The following PPP1CC variants were observed in gnomAD, a reference collection of about 807,000 sequenced individuals.
The protein encoded by PPP1CC is serine/threonine-protein phosphatase PP1-gamma catalytic subunit.
Under a neutral mutation model 38.4 loss-of-function variants are expected in PPP1CC, and 16 were observed. That is an observed-to-expected ratio of 0.42 (90% CI 0.28 to 0.63). The LOEUF (loss-of-function observed/expected upper bound fraction) is 0.63. PPP1CC is among the 30% of genes least tolerant of loss of function. The pLI is 0.25. For missense variants in PPP1CC, 170 were observed against 391.3 expected, an observed-to-expected ratio of 0.43 and a Z score of 4.77; for synonymous variants, 158 against 136.0, an observed-to-expected ratio of 1.16 and a Z score of -1.13.
At chr12:110,713,524 A>G in the PPP1CC span, among the ~76,000 whole-genome samples, 4 of 152,070 alleles carry the variant, frequency 2.6e-5, no homozygotes, top group African/African-American at 7.3e-5. Context: ...GGAAGGCTCT[A>G]CCTAATAAGT....
At position 110,720,053 on chromosome 12, in the gene PPP1CC, T is replaced by C. The variant is rs1266706282; in HGVS notation, c.*1023A>G. ...GAGTTCTGTATAAACTGGTGGACAG[T>C]AAGTTAGTTCCTTTGTTTTAACTTA... is the stretch of plus-strand genomic sequence containing the variant. On this transcript the variant is annotated 3_prime_UTR_variant, in exon 7 of 7. Coordinates refer to ENST00000335007, the MANE Select transcript of PPP1CC (RefSeq NM_002710.4). 1 of 1,262,414 alleles carries C rather than the reference T, an allele frequency of 7.9e-7. No individual in the cohort carries two copies. Among genetic ancestry groups the C allele is most frequent in the African/African-American group, 1.5e-5 (1 of 66,894 alleles). 78.2% of individuals were successfully genotyped at this position (1,262,414 alleles called of 1,614,324 possible).
At chr12:110,726,109 G>A (rs1401578901) in intron 3 of PPP1CC, 1 of 152,200 alleles carries the variant, frequency 6.6e-6, no homozygotes, top group East Asian at 1.9e-4. Context: ...TTTGTCCTTA[G>A]TCTCTTTTCC....
chr12:110,715,487 A>AT (rs2069680386), downstream of PPP1CC, among the ~76,000 whole-genome samples: 1 of 151,740 alleles, frequency 6.6e-6, no homozygotes, highest in Admixed American at 6.6e-5. Flanking sequence ...TGCCTGGCTA[A>AT]TTTTTTGTAT....
Position 110,722,532 on chromosome 12 carries a change from T to C in PPP1CC, c.687A>G (p.Ala229=). ...TATGGAGAAATTTTGCAACCACTTC[T>C]GCACCAAATGTGAAGGACACTCCTC... The part of the protein sequence containing the change: ...NDRGVSFTFG[A]EVVAKFLHKH... Residue 229 remains alanine (A), a synonymous_variant, in exon 5 of 7, where the codon GCA becomes GCG. Coordinates refer to ENST00000335007, the MANE Select transcript of PPP1CC (RefSeq NM_002710.4). The surrounding 1 kb of genome is among the most constrained non-coding windows in gnomAD (Gnocchi z 5.4). 3 of 1,614,246 alleles carry C rather than the reference T, an allele frequency of 1.9e-6. No individual in the cohort carries two copies. Among genetic ancestry groups the C allele is most frequent in the Non-Finnish European group, 2.5e-6 (3 of 1,180,048 alleles).
chr12:110,716,423 G>C (rs2069688374), downstream of PPP1CC, among the ~76,000 whole-genome samples: 1 of 151,756 alleles, frequency 6.6e-6, no homozygotes, highest in African/African-American at 2.4e-5. Flanking sequence ...CAGAGTCTTG[G>C]CTCACTGCAA....
the PPP1CC span, among the ~76,000 whole-genome samples, chr12:110,713,814 C>T: frequency 6.6e-6 from 1 of 152,160 alleles, no homozygotes; most frequent in Non-Finnish European, 1.5e-5. Flanking sequence ...ATCACTTTCT[C>T]AAAACTTTCA....
chr12:110,729,440 G>A (rs1443903214), intron 3 of PPP1CC, among the ~76,000 whole-genome samples: 1 of 152,126 alleles, frequency 6.6e-6, no homozygotes, highest in Non-Finnish European at 1.5e-5. Flanking sequence ...TGATCCACCC[G>A]CTGTGGCCTC....
chr12:110,710,553 C>T, the PPP1CC span, among the ~76,000 whole-genome samples: 1 of 151,212 alleles, frequency 6.6e-6, no homozygotes, highest in African/African-American at 2.4e-5. Flanking sequence ...CCCATCTCTA[C>T]TAAAAATACA....
At chr12:110,716,135 A>C (rs1044854193), downstream of PPP1CC, among the ~76,000 whole-genome samples, 9 of 152,322 alleles carry the variant, frequency 5.9e-5, no homozygotes, top group East Asian at 1.5e-3. Context: ...GGTTGATGCC[A>C]GTGCCTTTAC....
chr12:110,713,736 A>G, the PPP1CC span, among the ~76,000 whole-genome samples: 1 of 152,150 alleles, frequency 6.6e-6, no homozygotes, highest in African/African-American at 2.4e-5. Context: ...GATGGGTTCC[A>G]CCTGTCAAAA....
At chr12:110,737,895 G>C (rs2069966247) in intron 1 of PPP1CC, among the ~76,000 whole-genome samples, 2 of 152,130 alleles carry the variant, frequency 1.3e-5, no homozygotes, top group African/African-American at 2.4e-5. Flanking sequence ...CTCCAGCCTG[G>C]GGACAGAGTG....
intron 3 of PPP1CC, among the ~76,000 whole-genome samples, chr12:110,727,612 TAAAAAAA>T (rs60861001): frequency 7.5e-6 from 1 of 133,406 alleles, no homozygotes; most frequent in Non-Finnish European, 1.6e-5. Flanking sequence ...TTTACAAAGT[TAAAAAAA>T]AAAAAAAAAG....
chr12:110,712,088 C>T, the PPP1CC span, among the ~76,000 whole-genome samples: 1 of 151,922 alleles, frequency 6.6e-6, no homozygotes, highest in Non-Finnish European at 1.5e-5. Flanking sequence ...TGTTTAGATA[C>T]AGAAATACTT....
At chr12:110,711,422 G>A in the PPP1CC span, among the ~76,000 whole-genome samples, 1 of 151,924 alleles carries the variant, frequency 6.6e-6, no homozygotes, top group Non-Finnish European at 1.5e-5. Flanking sequence ...ACAGTATATT[G>A]CTTAGGGATA....
chr12:110,741,849 G>C (rs746676286), intron 1 of PPP1CC, among the ~76,000 whole-genome samples: 1 of 152,108 alleles, frequency 6.6e-6, no homozygotes, highest in East Asian at 1.9e-4. Flanking sequence ...AATGAAATCT[G>C]TCTTAAGTGC....
At chr12:110,734,730 G>A (rs1037602217) in intron 1 of PPP1CC, 1 of 153,608 alleles carries the variant, frequency 6.5e-6, no homozygotes, top group Non-Finnish European at 1.5e-5. Context: ...GGCTTTACTG[G>A]AGTATTTTTC....
chr12:110,741,852 T>C (rs996492736), intron 1 of PPP1CC, among the ~76,000 whole-genome samples: 2 of 152,128 alleles, frequency 1.3e-5, no homozygotes, highest in Non-Finnish European at 2.9e-5. Context: ...GAAATCTGTC[T>C]TAAGTGCTCA....
chr12:110,741,825 G>A (rs1041052739), intron 1 of PPP1CC, among the ~76,000 whole-genome samples: 2 of 152,190 alleles, frequency 1.3e-5, no homozygotes, highest in Admixed American at 1.3e-4. Flanking sequence ...ATCTTGCAAT[G>A]GGTGGGAGAA....
At chr12:110,736,092 G>A (rs575652683) in intron 1 of PPP1CC, among the ~76,000 whole-genome samples, 4 of 130,532 alleles carry the variant, frequency 3.1e-5, no homozygotes, top group East Asian at 2.2e-4. Context: ...AACAAACTCC[G>A]TCTCAAAACA....
Sources: gnomAD v4.1 joint callset for allele counts (sites outside exome capture counted in the v4.1 genomes callset) on GRCh38, gnomAD v4.1.1 for gene constraint, Gnocchi (gnomAD v3.1) non-coding constraint, MANE v1.5 for transcripts, NCBI Gene and HGNC (gene_info 2026-07-23, HGNC 2026-07-21) for gene names.